MYO10: variants seen among roughly 807,000 people sequenced by gnomAD.
MYO10 encodes unconventional myosin-X.
A neutral mutation model predicts 257.3 loss-of-function variants in MYO10; 133 were observed. That is an observed-to-expected ratio of 0.52 (90% CI 0.45 to 0.60). The LOEUF (loss-of-function observed/expected upper bound fraction) is 0.60, where lower values mean the gene tolerates loss of function less well. Ranked by LOEUF, MYO10 falls within the 20% of genes least tolerant of loss-of-function variation. The probability of loss-of-function intolerance (pLI) is 0.00; values close to 1 mark genes in which losing one functional copy is unlikely to be tolerated. For missense variants in MYO10, 2,399 were observed against 2,635.7 expected (o/e 0.91, Z 1.97); for synonymous variants, 1,104 against 1,028.6 (o/e 1.07, Z -1.40).
chr5:16,921,636 G>GAA (rs3061955), intron 1 of MYO10, among the ~76,000 whole-genome samples: 1 of 120,620 alleles, frequency 8.3e-6, no homozygotes, highest in Non-Finnish European at 1.8e-5. Context: ...AAAGGAAAAA[G>GAA]AAAAAAAAAA....
At chr5:16,888,710 C>T (rs1744961083) in intron 1 of MYO10, among the ~76,000 whole-genome samples, 1 of 151,450 alleles carries the variant, frequency 6.6e-6, no homozygotes, top group African/African-American at 2.4e-5. Flanking sequence ...CTACTGCACT[C>T]CAGCCTGAAC....
At chr5:16,935,070 C>T (rs541640834) in intron 1 of MYO10, among the ~76,000 whole-genome samples, 1 of 152,338 alleles carries the variant, frequency 6.6e-6, no homozygotes, top group South Asian at 2.1e-4. Context: ...AAAGGGTTCT[C>T]AAGTTAAGTT....
chr5:16,711,486 T>C (rs1035063058), intron 19 of MYO10, among the ~76,000 whole-genome samples: 9 of 152,278 alleles, frequency 5.9e-5, no homozygotes, highest in Admixed American at 4.6e-4. Context: ...CCTCCCCTTA[T>C]GTTTAAGAAA....
chr5:16,800,004 G>GA (rs771077979), intron 3 of MYO10, among the ~76,000 whole-genome samples: 21 of 152,136 alleles, frequency 1.4e-4, no homozygotes, highest in Non-Finnish European at 1.9e-4. Flanking sequence ...GGCATGCTGT[G>GA]AAACAGAACA....
chr5:16,827,646 A>G (rs1030477070), intron 2 of MYO10, among the ~76,000 whole-genome samples: 3 of 152,310 alleles, frequency 2.0e-5, no homozygotes, highest in Non-Finnish European at 2.9e-5. Flanking sequence ...TGAAGTATAG[A>G]TAACACAAAG....
At chr5:16,830,342 G>A (rs1308079613) in intron 2 of MYO10, among the ~76,000 whole-genome samples, 1 of 152,012 alleles carries the variant, frequency 6.6e-6, no homozygotes, top group Non-Finnish European at 1.5e-5. Context: ...CTCAACTACA[G>A]TACTTTGTTT....
At chr5:16,808,014 G>A (rs1742328245) in intron 3 of MYO10, among the ~76,000 whole-genome samples, 1 of 152,204 alleles carries the variant, frequency 6.6e-6, no homozygotes, top group Non-Finnish European at 1.5e-5. Context: ...ACAGAGCCTG[G>A]TACCCAGGCA....
At chr5:16,767,822 C>A (rs942509135) in intron 10 of MYO10, among the ~76,000 whole-genome samples, 3 of 151,828 alleles carry the variant, frequency 2.0e-5, no homozygotes, top group Non-Finnish European at 4.4e-5. Flanking sequence ...GAATTACAGG[C>A]GCACACCACC....
chr5:16,740,944 T>C (rs560970125), intron 19 of MYO10, among the ~76,000 whole-genome samples: 7 of 152,086 alleles, frequency 4.6e-5, no homozygotes, highest in African/African-American at 1.7e-4. Context: ...AGAAATCTTA[T>C]CTACGCGACG....
At chr5:16,704,277 A>G (rs1343775573) in intron 22 of MYO10, among the ~76,000 whole-genome samples, 2 of 152,158 alleles carry the variant, frequency 1.3e-5, no homozygotes, top group Admixed American at 1.3e-4. Flanking sequence ...ATAAGCCATG[A>G]TCGTGCCACC....
chr5:16,747,947 G>GAAAAAAAAAAA (rs1216946177), intron 19 of MYO10, among the ~76,000 whole-genome samples: 1 of 81,634 alleles, frequency 1.2e-5, no homozygotes, highest in Non-Finnish European at 2.5e-5. Flanking sequence ...AAAAAAAAAA[G>GAAAAAAAAAAA]AAAAAAAAAA....
chr5:16,928,867 A>AAC (rs150327838), intron 1 of MYO10, among the ~76,000 whole-genome samples: 47,887 of 150,822 alleles, frequency 0.32, 7,825 homozygotes, highest in Middle Eastern at 0.43. Flanking sequence ...CAACAACAAA[A>AAC]ACACACACAC....
In MYO10 at chr5:16,896,485, A is replaced by C. The variant is rs1366030846; in HGVS notation, c.22-18778T>G. Among the ~76,000 whole-genome samples, 9 of 152,108 alleles carry C rather than the reference A, an allele frequency of 5.9e-5. No homozygotes were observed. In the East Asian group the frequency reaches 1.7e-3, roughly 29 times the overall value. On this transcript the variant is annotated intron_variant, in intron 1 of 40. Coordinates refer to ENST00000513610, the MANE Select transcript of MYO10 (RefSeq NM_012334.3). ...GTAGCACATGCCTGTAATCACACCTACACAGGAGGCTGAGGCAGAACTGCT... is the reference window on the plus strand; with the variant it reads ...GTAGCACATGCCTGTAATCACACCTCCACAGGAGGCTGAGGCAGAACTGCT...
intron 2 of MYO10, among the ~76,000 whole-genome samples, chr5:16,856,563 G>A (rs1172931378): frequency 6.6e-6 from 1 of 151,152 alleles, no homozygotes; most frequent in Non-Finnish European, 1.5e-5. Flanking sequence ...AAAAAAAAAA[G>A]AGCGAGCCGT....
chr5:16,779,373 G>A lies in MYO10; in HGVS notation c.930+172C>T, dbSNP rs181782020. On this transcript the variant is annotated intron_variant, in intron 9 of 40. Coordinates refer to ENST00000513610, the MANE Select transcript of MYO10 (RefSeq NM_012334.3). ...TCAAACCCCTTTCAGCCTAGAACTT[G>A]GAACAAGTTCATGACTTGGAACAAG... is the stretch of plus-strand genomic sequence containing the variant. Among the ~76,000 whole-genome samples the A allele has an allele frequency of 2.0e-5, 3 of 151,774 alleles. No homozygotes were observed. The East Asian group carries it at 5.8e-4, about 29-fold the overall frequency.
intron 2 of MYO10, among the ~76,000 whole-genome samples, chr5:16,861,789 G>C (rs1425939258): frequency 6.6e-6 from 1 of 152,068 alleles, no homozygotes; most frequent in Non-Finnish European, 1.5e-5. Flanking sequence ...GAGAACTAAG[G>C]TGAAAAAGTG....
chr5:16,926,319 C>G (rs2625182), intron 1 of MYO10, among the ~76,000 whole-genome samples: 68,192 of 151,690 alleles, frequency 0.45, 15,627 homozygotes, highest in African/African-American at 0.53. Context: ...TTTTTTTAAT[C>G]TAAATAGTGC....
chr5:16,862,287 G>A (rs926713045), intron 2 of MYO10, among the ~76,000 whole-genome samples: 1 of 152,212 alleles, frequency 6.6e-6, no homozygotes, highest in Non-Finnish European at 1.5e-5. Flanking sequence ...GCCTGGATAG[G>A]TCTTTGCAGA....
intron 19 of MYO10, among the ~76,000 whole-genome samples, chr5:16,754,093 G>A (rs561971966): frequency 2.4e-4 from 37 of 151,950 alleles, no homozygotes; most frequent in Non-Finnish European, 4.3e-4. Context: ...AATTTGTAGG[G>A]GTTTTCTCAC....
Sources: gnomAD v4.1 joint callset for allele counts (sites outside exome capture counted in the v4.1 genomes callset) on GRCh38, gnomAD v4.1.1 for gene constraint, MANE v1.5 for transcripts, NCBI Gene and HGNC (gene_info 2026-07-23, HGNC 2026-07-21) for gene names.